EME2: variants seen among roughly 807,000 people sequenced by gnomAD.
EME2 encodes the protein structure-specific endonuclease subunit EME2.
In EME2, 58 loss-of-function variants were observed where a neutral mutation model predicts 41.9. That is an observed-to-expected ratio of 1.38 (90% CI 1.12 to 1.72). The LOEUF (loss-of-function observed/expected upper bound fraction) is 1.72, where lower values mean the gene tolerates loss of function less well. EME2 is among the 40% of genes most tolerant of loss of function. The pLI, the probability that EME2 is intolerant of heterozygous loss-of-function variation, is 0.00. For missense variants in EME2, 695 were observed against 541.9 expected (o/e 1.28, Z -2.81); for synonymous variants, 334 against 239.3 (o/e 1.40, Z -3.65).
At chr16:1,775,485 A>T (rs765531695) in intron 5 of EME2, 77 bp downstream of exon 5, 56 of 1,597,576 alleles carry the variant, frequency 3.5e-5, no homozygotes, top group Non-Finnish European at 4.5e-5. Flanking sequence ...TTTGGTTCCC[A>T]GCGTGGTACA....
At position 1,778,259 on chromosome 16, in the gene EME2, G is replaced by T; in HGVS notation, c.*2021G>T. The stretch of plus-strand genomic sequence containing the variant: ...TACTCCATGTGGAAGCTGACCTTAC[G>T]GTTGTCACAGCTCAGCAGGGTGGCT... On this transcript the variant is annotated 3_prime_UTR_variant, in exon 8 of 8. Coordinates refer to ENST00000568449, the MANE Select transcript of EME2 (RefSeq NM_001257370.2). The T allele has an allele frequency of 6.2e-7, 1 of 1,612,870 alleles. No individual in the cohort carries two copies. Among genetic ancestry groups the T allele is most frequent in the Non-Finnish European group, 8.5e-7 (1 of 1,179,992 alleles).
Position 1,773,256 on chromosome 16 carries a change from G to T in EME2, c.29G>T (p.Gly10Val). 1.4e-6 allele frequency: 2 copies of T among 1,453,506 alleles called. No homozygotes were observed. Among genetic ancestry groups the T allele is most frequent in the East Asian group, 2.6e-5 (1 of 38,012 alleles). 90.0% of individuals were successfully genotyped at this position (1,453,506 alleles called of 1,614,324 possible). Residue 10 changes from glycine to valine, a missense_variant, in exon 1 of 8, where the codon GGG (glycine) becomes GTG (valine). Transcript: ENST00000568449. The stretch of plus-strand genomic sequence containing the variant: ...GCGCGGGTTGGACCCGGGAGGGCGG[G>T]GGTCTCTTGCCAGGGCCGGGGCCGG... Reference protein sequence around the residue: MARVGPGRAGVSCQGRGRGR... With the variant: MARVGPGRAVVSCQGRGRGR...
Position 1,773,286 on chromosome 16 carries a change from G to A in EME2, c.59G>A (p.Arg20Gln). Residue 20 changes from arginine to glutamine, a missense_variant, in exon 1 of 8, where the codon CGG becomes CAG. By Grantham distance (43) the Arg-to-Gln change is conservative. Transcript: ENST00000568449. ...TCTTGCCAGGGCCGGGGCCGGGGAC[G>A]GGGCGGGAGCGGTCAGCGGCGACCT... ...GVSCQGRGRG[R>Q]GGSGQRRPPT... The A allele has an allele frequency of 6.8e-7, 1 of 1,472,992 alleles. No individual in the cohort carries two copies. The highest frequency in any genetic ancestry group is 8.9e-7 in the Non-Finnish European group (1 of 1,119,994). 91.2% of individuals were successfully genotyped at this position (1,472,992 alleles called of 1,614,324 possible). A position where few individuals can be genotyped will look rare whatever the true frequency, so the allele number is the denominator to read the frequency against.
chr16:1,773,368 C>T lies in EME2; in HGVS notation c.141C>T (p.Ala47=). 1 of 1,528,212 alleles carries T rather than the reference C, an allele frequency of 6.5e-7. No individual in the cohort carries two copies. The highest frequency in any genetic ancestry group is 1.2e-5 in the South Asian group (1 of 83,148). The allele number at this position is 1,528,212 out of a possible 1,614,324, so 94.7% of individuals were successfully genotyped here. A position where few individuals can be genotyped will look rare whatever the true frequency, so the allele number is the denominator to read the frequency against. The part of the protein sequence containing the change: ...DAEDSAGSEA[A]ARARDPAGER... ...AGGACTCCGCCGGCTCGGAGGCCGC[C>T]GCGAGAGCCCGGGACCCAGCGGGTG... Residue 47 remains alanine (A), a synonymous_variant, in exon 1 of 8, where the codon GCC becomes GCT. Transcript: ENST00000568449.
chr16:1,781,531 TCA>T lies in EME2; in HGVS notation c.*5296_*5297del, dbSNP rs780379799. On this transcript the variant is annotated 3_prime_UTR_variant, in exon 8 of 8. Transcript: ENST00000568449. ...ACACAGGCTCTGGGCAAAGGAAGAC[TCA>T]CAGCACTCCCAGCCCTGAGCTTCCA... The T allele has an allele frequency of 1.3e-5, 20 of 1,596,060 alleles. No individual in the cohort carries two copies. Among genetic ancestry groups the T allele is most frequent in the Non-Finnish European group, 1.6e-5 (19 of 1,170,592 alleles).
chr16:1,775,626 C>G lies in EME2; in HGVS notation c.721C>G (p.Gln241Glu), dbSNP rs747113488. 2 of 1,612,944 alleles carry G rather than the reference C, an allele frequency of 1.2e-6. No individual in the cohort carries two copies. The highest frequency in any genetic ancestry group is 1.3e-5 in the African/African-American group (1 of 75,074). ...GGACGTGCTACTGGTGGCCTCTTGG[C>G]AGGAGCTGAGTCGGCACGTGTGCGC... ...NLDVLLVASWQELSRHVCAVT... is the reference protein window; with the variant it reads ...NLDVLLVASWEELSRHVCAVT... Residue 241 changes from glutamine (Q) to glutamate (E), a missense_variant, in exon 6 of 8, where the codon CAG becomes GAG. Coordinates refer to ENST00000568449, the MANE Select transcript of EME2 (RefSeq NM_001257370.2).
In EME2 at chr16:1,776,111, T is replaced by G; in HGVS notation, c.1013T>G (p.Leu338Arg). The G allele has an allele frequency of 2.5e-6, 4 of 1,611,660 alleles. No homozygotes were observed. The highest frequency in any genetic ancestry group is 1.7e-6 in the Non-Finnish European group (2 of 1,179,726). Residue 338 changes from leucine to arginine, a missense_variant, in exon 8 of 8, where the codon CTG becomes CGG. Physicochemically the swap from Leu to Arg is moderately radical, Grantham distance 102. Transcript: ENST00000568449. ...CSTERERMGL[L>R]ADLPVPPSEG... ...ACGGAGCGGGAGCGCATGGGCCTCC[T>G]GGCCGACCTTCCTGTGCCGCCCAGT... is the stretch of plus-strand genomic sequence containing the variant.
rs1375846702 is a variant in EME2 at position 1,777,398 on chromosome 16, A to C, written c.*1160A>C. On this transcript the variant is annotated 3_prime_UTR_variant, in exon 8 of 8. Transcript: ENST00000568449. ...GCTGCTCCGGGCCGCCGTGGAGCAC[A>C]CCATCGGGTAGAATCTCTTGTTCTG... is the stretch of plus-strand genomic sequence containing the variant. The C allele has an allele frequency of 1.9e-6, 3 of 1,579,722 alleles. No individual in the cohort carries two copies. The highest frequency in any genetic ancestry group is 1.7e-5 in the Admixed American group (1 of 58,078).
chr16:1,773,790 G>A lies in EME2; in HGVS notation c.333G>A (p.Pro111=), dbSNP rs753510592. The A allele has an allele frequency of 1.5e-5, 24 of 1,554,386 alleles. No individual in the cohort carries two copies. The Admixed American group carries it at 4.0e-4, about 26-fold the overall frequency. ...AGTGCCGCATCGAGCCCCAGCGCCC[G>A]GCCCGCAGCCTGCGGTGGACCCGAG... ...GCECRIEPQR[P]ARSLRWTRAS... The change falls in exon 2 of 8, where the codon CCG becomes CCA. Residue 111 remains proline (P), a synonymous_variant. Transcript: ENST00000568449.
chr16:1,777,726 C>A lies in EME2; in HGVS notation c.*1488C>A. 6.2e-7 allele frequency: 1 copy of A among 1,610,238 alleles called. No homozygotes were observed. Among genetic ancestry groups the A allele is most frequent in the South Asian group, 1.1e-5 (1 of 90,872 alleles). ...CTCGGGGTGACAGCTGAGAGGAGCT[C>A]AAGTCCTGTGACGGCCTCACCTATA... On this transcript the variant is annotated 3_prime_UTR_variant, in exon 8 of 8. Transcript: ENST00000568449.
chr16:1,774,642 C>T (rs780591695), intron 3 of EME2, among the ~76,000 whole-genome samples: 2 of 152,224 alleles, frequency 1.3e-5, no homozygotes, highest in African/African-American at 2.4e-5. Flanking sequence ...ACAGCCTGGC[C>T]CCTGCCTGCG....
rs376625018 is a variant in EME2, at chr16:1,774,393, G to A, written c.477+41G>A. Reference sequence around the variant, plus strand: ...CAGTAGTCCCTCTCTAATCAGGAGGGGTGGGTTCCCAGCCGGGAGGCGCCT... The same window carrying A: ...CAGTAGTCCCTCTCTAATCAGGAGGAGTGGGTTCCCAGCCGGGAGGCGCCT... On this transcript the variant is annotated intron_variant, in intron 3 of 7. Transcript: ENST00000568449. 2.0e-4 allele frequency: 312 copies of A among 1,562,426 alleles called. 4 individuals are homozygous for A. Among genetic ancestry groups the A allele is most frequent in the South Asian group, 1.1e-3 (99 of 90,020 alleles).
At position 1,777,748 on chromosome 16, in the gene EME2, T is replaced by C. The variant is rs774420958; in HGVS notation, c.*1510T>C. Reference sequence around the variant, plus strand: ...GCTCAAGTCCTGTGACGGCCTCACCTATACACTTCCTGTTCTTGAAAAAGG... The same window carrying C: ...GCTCAAGTCCTGTGACGGCCTCACCCATACACTTCCTGTTCTTGAAAAAGG... On this transcript the variant is annotated 3_prime_UTR_variant, in exon 8 of 8. Coordinates refer to ENST00000568449, the MANE Select transcript of EME2 (RefSeq NM_001257370.2). 7 of 1,612,298 alleles carry C rather than the reference T, an allele frequency of 4.3e-6. No homozygotes were observed. The East Asian group carries it at 1.3e-4, about 31-fold the overall frequency.
rs776470952 is a variant in EME2 at position 1,780,680 on chromosome 16, G to C, written c.*4442G>C. The C allele has an allele frequency of 1.2e-5, 2 of 160,266 alleles. No individual in the cohort carries two copies. Among genetic ancestry groups the C allele is most frequent in the Non-Finnish European group, 2.8e-5 (2 of 72,170 alleles). The allele number at this position is 160,266 out of a possible 1,614,324, so 9.9% of individuals were successfully genotyped here. A position where few individuals can be genotyped will look rare whatever the true frequency, so the allele number is the denominator to read the frequency against. ...GAAGAAGCGTCTGGTAAGACAACCA[G>C]CAAGTTAACAATGGTCACCTCCAGA... On this transcript the variant is annotated 3_prime_UTR_variant, in exon 8 of 8. Coordinates refer to ENST00000568449, the MANE Select transcript of EME2 (RefSeq NM_001257370.2).
rs531403800 is a variant in EME2 at position 1,780,239 on chromosome 16, G to A, written c.*4001G>A. 3 of 152,550 alleles carry A rather than the reference G, an allele frequency of 2.0e-5. No homozygotes were observed. The highest frequency in any genetic ancestry group is 7.2e-5 in the African/African-American group (3 of 41,604). 9.4% of individuals were successfully genotyped at this position (152,550 alleles called of 1,614,324 possible). ...CAGCCATGACCCTGCGAGGCCAGGA[G>A]AGACTGCTCCAGGGCACATGACCTG... On this transcript the variant is annotated 3_prime_UTR_variant, in exon 8 of 8. Transcript: ENST00000568449.
At position 1,776,516 on chromosome 16, in the gene EME2, A is replaced by G. The variant is rs2141984552; in HGVS notation, c.*278A>G. 2.4e-6 allele frequency: 1 copy of G among 413,188 alleles called. No individual in the cohort carries two copies. Among genetic ancestry groups the G allele is most frequent in the East Asian group, 4.0e-5 (1 of 25,018 alleles). 25.6% of individuals were successfully genotyped at this position (413,188 alleles called of 1,614,324 possible). A position where few individuals can be genotyped will look rare whatever the true frequency, so the allele number is the denominator to read the frequency against. ...CTCAGCAGCAGGGCTGTGCCCCCCC[A>G]ACACACACACACACTCGGCAGGGAC... On this transcript the variant is annotated 3_prime_UTR_variant, in exon 8 of 8. Coordinates refer to ENST00000568449, the MANE Select transcript of EME2 (RefSeq NM_001257370.2).
rs2141981109 is a variant in EME2, at chr16:1,773,795, G to A, written c.338G>A (p.Arg113His). 1.3e-6 allele frequency: 2 copies of A among 1,555,094 alleles called. No individual in the cohort carries two copies. The highest frequency in any genetic ancestry group is 8.7e-7 in the Non-Finnish European group (1 of 1,151,526). The change falls in exon 2 of 8, where the codon CGC becomes CAC. Residue 113 changes from arginine (R) to histidine (H), a missense_variant. Coordinates refer to ENST00000568449, the MANE Select transcript of EME2 (RefSeq NM_001257370.2). ...CGCATCGAGCCCCAGCGCCCGGCCC[G>A]CAGCCTGCGGTGGACCCGAGCGAGT... The part of the protein sequence containing the change: ...ECRIEPQRPA[R>H]SLRWTRASPD...
chr16:1,777,043 G>C lies in EME2; in HGVS notation c.*805G>C. On this transcript the variant is annotated 3_prime_UTR_variant, in exon 8 of 8. Coordinates refer to ENST00000568449, the MANE Select transcript of EME2 (RefSeq NM_001257370.2). ...GGAAGGAAGGGACAGAGAAAGAAGG[G>C]ACAGAGGAAAGGGGCTGTCCCAGCC... 2 of 1,564,488 alleles carry C rather than the reference G, an allele frequency of 1.3e-6. No homozygotes were observed. Among genetic ancestry groups the C allele is most frequent in the Non-Finnish European group, 1.7e-6 (2 of 1,150,644 alleles).
At position 1,778,926 on chromosome 16, in the gene EME2, G is replaced by A; in HGVS notation, c.*2688G>A. 3.6e-6 allele frequency: 1 copy of A among 281,434 alleles called. No homozygotes were observed. The highest frequency in any genetic ancestry group is 6.6e-6 in the Non-Finnish European group (1 of 150,848). 17.4% of individuals were successfully genotyped at this position (281,434 alleles called of 1,614,324 possible). A position where few individuals can be genotyped will look rare whatever the true frequency, so the allele number is the denominator to read the frequency against. ...CACCCCACCTGCCCAGAGCTGAGATGGTGTGGACACCTTCCCTGCTAGGCC... is the reference window on the plus strand; with the variant it reads ...CACCCCACCTGCCCAGAGCTGAGATAGTGTGGACACCTTCCCTGCTAGGCC... On this transcript the variant is annotated 3_prime_UTR_variant, in exon 8 of 8. Coordinates refer to ENST00000568449, the MANE Select transcript of EME2 (RefSeq NM_001257370.2).
Sources: allele counts gnomAD v4.1 joint callset (sites outside exome capture counted in the v4.1 genomes callset), GRCh38; gene constraint gnomAD v4.1.1; transcripts MANE v1.5; gene names NCBI Gene and HGNC (gene_info 2026-07-23, HGNC 2026-07-21).